Variants in BCL7C observed in about 807,000 individuals in gnomAD.
BCL7C encodes B-cell CLL/lymphoma 7 protein family member C.
Under a neutral mutation model 26.2 loss-of-function variants are expected in BCL7C, and 8 were observed. That is an observed-to-expected ratio of 0.30 (90% CI 0.18 to 0.55). BCL7C has a LOEUF of 0.55. BCL7C is among the 20% of genes least tolerant of loss of function. BCL7C has a pLI of 0.93. For synonymous variants in BCL7C, 90 were observed against 116.5 expected (o/e 0.77, Z 1.47); for missense variants, 262 against 298.5 (o/e 0.88, Z 0.90).
intron 5 of BCL7C, among the ~76,000 whole-genome samples, chr16:30,853,127 G>A (rs1435642284): frequency 6.6e-6 from 1 of 151,424 alleles, no homozygotes; most frequent in Non-Finnish European, 1.5e-5. Context: ...CAGTAGAGAC[G>A]GGGTTTCTCC....
Position 30,892,471 on chromosome 16 carries a change from G to C in BCL7C, c.442+115C>G, listed in dbSNP as rs1048956390. 2.1e-5 allele frequency: 21 copies of C among 1,021,190 alleles called. 1 individual carries two copies. The Admixed American group carries it at 3.3e-4, about 16-fold the overall frequency. The allele number at this position is 1,021,190 out of a possible 1,614,324, so 63.3% of individuals were successfully genotyped here. A position where few individuals can be genotyped will look rare whatever the true frequency, so the allele number is the denominator to read the frequency against. Reference sequence around the variant, plus strand: ...AGGGAGATTCTGCAGGAGTCGGAAGGCGCCTTGAGGAGGGTGCACAAGACG... The same window carrying C: ...AGGGAGATTCTGCAGGAGTCGGAAGCCGCCTTGAGGAGGGTGCACAAGACG... On this transcript the variant is annotated intron_variant, in intron 4 of 5. Coordinates refer to ENST00000215115, the MANE Select transcript of BCL7C (RefSeq NM_004765.4).
intron 5 of BCL7C, among the ~76,000 whole-genome samples, chr16:30,844,363 AAAAAAAAAAAAG>A (rs2054621423): frequency 6.6e-6 from 1 of 150,982 alleles, no homozygotes. Context: ...AAAAAAAAAA[AAAAAAAAAAAAG>A]GGAAAAAACA....
At chr16:30,872,384 T>C (rs555136626) in intron 5 of BCL7C, among the ~76,000 whole-genome samples, 1 of 151,324 alleles carries the variant, frequency 6.6e-6, no homozygotes, top group East Asian at 1.9e-4. Context: ...AGTCATGGAG[T>C]GTAAGGGACC....
chr16:30,883,941 C>T (rs538506745), downstream of BCL7C, among the ~76,000 whole-genome samples: 51 of 144,124 alleles, frequency 3.5e-4, no homozygotes, highest in South Asian at 0.01. Flanking sequence ...CTGGTTAACA[C>T]GGTGAAACCC....
rs551411502 is a variant in BCL7C at position 30,878,661 on chromosome 16, G to C, written c.528+10199C>G. Among the ~76,000 whole-genome samples, 5 of 150,806 alleles carry C rather than the reference G, an allele frequency of 3.3e-5. No homozygotes were observed. In the South Asian group the frequency reaches 1.0e-3, roughly 32 times the overall value. ...AGCTTGAGACCAGCCTGACCAACATGGTGAAACCCAGTCTCTACTAAAAAT... is the reference window on the plus strand; with the variant it reads ...AGCTTGAGACCAGCCTGACCAACATCGTGAAACCCAGTCTCTACTAAAAAT... On this transcript the variant is annotated intron_variant, in intron 5 of 5. Coordinates refer to the BCL7C transcript ENST00000380317.
chr16:30,849,092 C>G (rs1402839844), intron 5 of BCL7C, among the ~76,000 whole-genome samples: 1 of 150,330 alleles, frequency 6.7e-6, no homozygotes, highest in East Asian at 1.9e-4. Flanking sequence ...GAGGCTGAGA[C>G]AGAAGAATGG....
chr16:30,875,243 G>C (rs2143038629), intron 5 of BCL7C: 1 of 154,610 alleles, frequency 6.5e-6, no homozygotes, highest in African/African-American at 2.4e-5. Flanking sequence ...CGCAGACCAG[G>C]CGAGGCCACG....
chr16:30,892,939 G>A lies in BCL7C; in HGVS notation c.181C>T (p.Arg61Trp), dbSNP rs772286392. 1.2e-5 allele frequency: 19 copies of A among 1,612,262 alleles called. No individual in the cohort carries two copies. The highest frequency in any genetic ancestry group is 6.7e-5 in the African/African-American group (5 of 74,902). The stretch of plus-strand genomic sequence containing the variant: ...GATCTCTCTGCCCCGCCACCTGCCC[G>A]CCTTCGCTCCTGGGGGTTAGAGGAT... ...VVDPQEEERRRAGGGAERSRG... is the reference protein window; with the variant it reads ...VVDPQEEERRWAGGGAERSRG... The change falls in exon 3 of 6, where the codon CGG becomes TGG. Residue 61 changes from arginine to tryptophan, a missense_variant. Coordinates refer to ENST00000215115, the MANE Select transcript of BCL7C (RefSeq NM_004765.4).
At chr16:30,890,840 C>G (rs574660564) in intron 4 of BCL7C, among the ~76,000 whole-genome samples, 1 of 151,844 alleles carries the variant, frequency 6.6e-6, no homozygotes, top group African/African-American at 2.4e-5. Context: ...ACAAAATTAG[C>G]GGGGCATGGT....
At chr16:30,848,944 T>A (rs1335705432) in intron 5 of BCL7C, among the ~76,000 whole-genome samples, 2 of 151,110 alleles carry the variant, frequency 1.3e-5, no homozygotes, top group East Asian at 3.9e-4. Context: ...TCCCAGCACT[T>A]TGAGAGGCCG....
In BCL7C at chr16:30,864,126, G is replaced by A. The variant is rs376397356; in HGVS notation, c.528+24734C>T. ...TTTCTCTTTCCTCCAAAATCACCGAGGCCCTGATTTACTCACTGCTGAAAA... is the reference window on the plus strand; with the variant it reads ...TTTCTCTTTCCTCCAAAATCACCGAAGCCCTGATTTACTCACTGCTGAAAA... On this transcript the variant is annotated intron_variant, in intron 5 of 5. Transcript: ENST00000380317. Among the ~76,000 whole-genome samples, 9 of 151,972 alleles carry A rather than the reference G, an allele frequency of 5.9e-5. No individual in the cohort carries two copies. In the East Asian group the frequency reaches 9.6e-4, roughly 16 times the overall value.
At chr16:30,884,501 T>G (rs570225304), downstream of BCL7C, among the ~76,000 whole-genome samples, 51 of 148,820 alleles carry the variant, frequency 3.4e-4, no homozygotes, top group Admixed American at 8.7e-4. Flanking sequence ...TGTTTTTTTT[T>G]TTTTTTTTTT....
chr16:30,858,154 T>C (rs1332677722), intron 5 of BCL7C, among the ~76,000 whole-genome samples: 1 of 152,196 alleles, frequency 6.6e-6, no homozygotes, highest in African/African-American at 2.4e-5. Context: ...AGAGTATTTC[T>C]CTCCTGCTTC....
chr16:30,854,292 G>C (rs1182652182), intron 5 of BCL7C, among the ~76,000 whole-genome samples: 2 of 152,190 alleles, frequency 1.3e-5, no homozygotes, highest in African/African-American at 4.8e-5. Context: ...TCTCCAAACA[G>C]TATTTCTGCA....
At chr16:30,873,520 G>A (rs1433010909) in intron 5 of BCL7C, among the ~76,000 whole-genome samples, 2 of 152,054 alleles carry the variant, frequency 1.3e-5, no homozygotes, top group Non-Finnish European at 2.9e-5. Context: ...TATGGTGTGT[G>A]AGTCATCTCT....
At chr16:30,847,476 T>C (rs2054643105) in intron 5 of BCL7C, among the ~76,000 whole-genome samples, 1 of 152,152 alleles carries the variant, frequency 6.6e-6, no homozygotes, top group Non-Finnish European at 1.5e-5. Context: ...AACCTATCTG[T>C]TGCCAGTAGG....
chr16:30,873,810 C>A (rs1437462555), intron 5 of BCL7C, among the ~76,000 whole-genome samples: 1 of 146,406 alleles, frequency 6.8e-6, no homozygotes, highest in African/African-American at 2.5e-5. Context: ...GAGATCGAGT[C>A]CCTGCACTCC....
intron 5 of BCL7C, among the ~76,000 whole-genome samples, chr16:30,849,538 G>T (rs763728457): frequency 4.7e-4 from 71 of 152,130 alleles, no homozygotes; most frequent in Non-Finnish European, 1.0e-3. Flanking sequence ...TGCAACCCCG[G>T]CATCCTGGGT....
At chr16:30,850,226 A>G (rs938124461) in intron 5 of BCL7C, among the ~76,000 whole-genome samples, 1 of 151,246 alleles carries the variant, frequency 6.6e-6, no homozygotes, top group African/African-American at 2.4e-5. Context: ...AAAAAAAAAA[A>G]AGAAAAGAAA....
Sources: allele counts gnomAD v4.1 joint callset (sites outside exome capture counted in the v4.1 genomes callset), GRCh38; gene constraint gnomAD v4.1.1; transcripts MANE v1.5; gene names NCBI Gene and HGNC (gene_info 2026-07-23, HGNC 2026-07-21).